RBFOX1: variants seen among roughly 807,000 people sequenced by gnomAD.
RBFOX1 encodes RNA binding fox-1 homolog 1, also known as RNA binding protein fox-1 homolog 1.
In RBFOX1, 8 loss-of-function variants were observed where a neutral mutation model predicts 57.7. The ratio of observed to expected loss-of-function variants is 0.14; its 90% CI spans 0.08 to 0.25. The LOEUF (loss-of-function observed/expected upper bound fraction) is 0.25. Among genes scored for constraint, RBFOX1 ranks in the 10% least tolerant of loss-of-function variants. RBFOX1 has a pLI of 1.00. For synonymous variants in RBFOX1, 326 were observed against 222.4 expected (o/e 1.47, Z -4.15); for missense variants, 611 against 548.5 (o/e 1.11, Z -1.14).
chr16:5,798,309 C>T (rs949458881), intron 3 of RBFOX1, among the ~76,000 whole-genome samples: 11 of 152,190 alleles, frequency 7.2e-5, no homozygotes, highest in African/African-American at 2.7e-4. Flanking sequence ...CATTACGATA[C>T]AGCTGATCTT....
chr16:6,689,441 G>A (rs1409334626), intron 3 of RBFOX1, among the ~76,000 whole-genome samples: 4 of 151,988 alleles, frequency 2.6e-5, no homozygotes, highest in Admixed American at 6.6e-5. Context: ...TTTTTATATG[G>A]TAATTTCTTC....
At chr16:7,230,306 C>G (rs1307429272) in intron 4 of RBFOX1, among the ~76,000 whole-genome samples, 1 of 152,008 alleles carries the variant, frequency 6.6e-6, no homozygotes, top group Non-Finnish European at 1.5e-5. Flanking sequence ...GTGGACAAGG[C>G]AAAACATCAA....
chr16:5,323,216 A>G (rs1650661785), intron 1 of RBFOX1, among the ~76,000 whole-genome samples: 1 of 152,254 alleles, frequency 6.6e-6, no homozygotes, highest in Admixed American at 6.5e-5. Flanking sequence ...CTCAGTACCT[A>G]TGAGTAAAAT....
chr16:7,563,808 A>T lies in RBFOX1; in HGVS notation c.271-15969A>T, dbSNP rs1436919770. Among the ~76,000 whole-genome samples, 5 of 140,774 alleles carry T rather than the reference A, an allele frequency of 3.6e-5. No homozygotes were observed. The East Asian group carries it at 1.3e-3, about 36-fold the overall frequency. The allele number at this position is 140,774 out of a possible 152,430, so 92.4% of individuals were successfully genotyped here. A position where few individuals can be genotyped will look rare whatever the true frequency, so the allele number is the denominator to read the frequency against. On this transcript the variant is annotated intron_variant, in intron 5 of 15. Transcript: ENST00000550418. ...CTACCTATCCTGGAACCAAAAGCCA[A>T]ATCTTTGCAACAAGAAGAGGAGAAG...
At chr16:7,049,263 G>A (rs2049102482) in intron 3 of RBFOX1, among the ~76,000 whole-genome samples, 1 of 152,124 alleles carries the variant, frequency 6.6e-6, no homozygotes, top group Non-Finnish European at 1.5e-5. Flanking sequence ...TTAGGGCAAA[G>A]TGTCAAGAGA....
chr16:6,811,926 A>C (rs754126911), intron 3 of RBFOX1, among the ~76,000 whole-genome samples: 19 of 152,172 alleles, frequency 1.2e-4, no homozygotes, highest in Non-Finnish European at 2.6e-4. Context: ...TATAAGGCAC[A>C]GAAAAAAATA....
chr16:5,973,126 A>T (rs143508124), intron 4 of RBFOX1, among the ~76,000 whole-genome samples: 9 of 152,186 alleles, frequency 5.9e-5, no homozygotes, highest in Non-Finnish European at 1.0e-4. Flanking sequence ...ATAATATTCT[A>T]TTCTACCTTA....
At chr16:7,196,627 C>T (rs370990550) in intron 4 of RBFOX1, among the ~76,000 whole-genome samples, 2 of 152,246 alleles carry the variant, frequency 1.3e-5, no homozygotes, top group East Asian at 3.9e-4. Context: ...TCAATGCCTT[C>T]AAAGAACTTG....
At chr16:6,600,423 C>T (rs2097839050) in intron 2 of RBFOX1, among the ~76,000 whole-genome samples, 1 of 152,172 alleles carries the variant, frequency 6.6e-6, no homozygotes, top group East Asian at 1.9e-4. Context: ...AAGATGACCT[C>T]TCATTCTGCA....
At position 6,675,460 on chromosome 16, in the gene RBFOX1, G is replaced by A. The variant is rs561907087; in HGVS notation, c.-16+20810G>A. Among the ~76,000 whole-genome samples the A allele has an allele frequency of 2.1e-4, 32 of 152,192 alleles. No individual in the cohort carries two copies. The South Asian group carries it at 5.4e-3, about 26-fold the overall frequency. On this transcript the variant is annotated intron_variant, in intron 3 of 15. Coordinates refer to ENST00000550418, the MANE Select transcript of RBFOX1 (RefSeq NM_018723.4). ...GAAGATTATTTCAAGACTTGCATTT[G>A]ACAAATTTAGTGACAAAGCCCTGGG...
intron 2 of RBFOX1, among the ~76,000 whole-genome samples, chr16:6,457,056 T>G (rs1304339642): frequency 1.3e-5 from 2 of 152,120 alleles, no homozygotes; most frequent in African/African-American, 4.8e-5. Context: ...TTGGGAGCCT[T>G]GGAGTATAAA....
intron 2 of RBFOX1, among the ~76,000 whole-genome samples, chr16:6,384,295 C>T (rs970893896): frequency 6.6e-6 from 1 of 152,048 alleles, no homozygotes; most frequent in African/African-American, 2.4e-5. Flanking sequence ...GATTTGAATC[C>T]AATCATCATC....
chr16:6,717,802 A>G (rs2065131629), intron 3 of RBFOX1, among the ~76,000 whole-genome samples: 1 of 152,168 alleles, frequency 6.6e-6, no homozygotes, highest in Admixed American at 6.5e-5. Flanking sequence ...AGCAGAAAAT[A>G]TTGGGTACTT....
At chr16:5,545,011 C>T (rs1239677961) in intron 2 of RBFOX1, among the ~76,000 whole-genome samples, 2 of 111,358 alleles carry the variant, frequency 1.8e-5, no homozygotes, top group African/African-American at 3.6e-5. Flanking sequence ...GAGTCTCGCT[C>T]TGTCTTCCAG....
chr16:5,680,301 A>G (rs1214178033), intron 3 of RBFOX1, among the ~76,000 whole-genome samples: 3 of 152,174 alleles, frequency 2.0e-5, no homozygotes, highest in African/African-American at 7.2e-5. Flanking sequence ...TGGAGGAATA[A>G]GAAGGTCTCA....
chr16:7,709,240 G>C lies in RBFOX1; in HGVS notation c.1071+109G>C, dbSNP rs1485341079. The stretch of plus-strand genomic sequence containing the variant: ...CTCTCACTTCCCGTTAATTGAATTT[G>C]TCTCTTGTGCTAACAGCAGCTAAAA... On this transcript the variant is annotated intron_variant, in intron 15 of 15. Transcript: ENST00000550418. The C allele has an allele frequency of 5.2e-6, 6 of 1,144,954 alleles. No individual in the cohort carries two copies. The Admixed American group carries it at 7.3e-5, about 14-fold the overall frequency. The allele number at this position is 1,144,954 out of a possible 1,614,324, so 70.9% of individuals were successfully genotyped here.
At chr16:5,491,784 C>T (rs923778489) in intron 2 of RBFOX1, among the ~76,000 whole-genome samples, 3 of 152,192 alleles carry the variant, frequency 2.0e-5, no homozygotes, top group Non-Finnish European at 1.5e-5. Flanking sequence ...GAGCTAGAAA[C>T]ATCTTTTAAT....
intron 1 of RBFOX1, among the ~76,000 whole-genome samples, chr16:6,271,433 A>C (rs553673764): frequency 6.6e-6 from 1 of 152,306 alleles, no homozygotes; most frequent in East Asian, 1.9e-4. Flanking sequence ...AAAAACAAAC[A>C]AAACAAACAG....
At chr16:7,433,792 A>T (rs922636177) in intron 4 of RBFOX1, among the ~76,000 whole-genome samples, 2 of 152,132 alleles carry the variant, frequency 1.3e-5, no homozygotes, top group Non-Finnish European at 1.5e-5. Flanking sequence ...CCAGCCAGCC[A>T]GACAGCTAGC....
Sources: allele counts gnomAD v4.1 joint callset (sites outside exome capture counted in the v4.1 genomes callset), GRCh38; gene constraint gnomAD v4.1.1; transcripts MANE v1.5; gene names NCBI Gene and HGNC (gene_info 2026-07-23, HGNC 2026-07-21).